The following GLT8D2 variants were observed in gnomAD, a reference collection of about 807,000 sequenced individuals.
GLT8D2 encodes glycosyltransferase 8 domain-containing protein 2.
GLT8D2 carries 45 observed loss-of-function variants against 44.5 expected under a neutral mutation model. The observed-to-expected ratio is 1.01, with a 90% CI of 0.80 to 1.30. GLT8D2 has a LOEUF of 1.30. Ranked by LOEUF, GLT8D2 falls within the 50% of genes most tolerant of loss-of-function variation. The pLI is 0.00. For missense variants in GLT8D2, 400 were observed against 430.4 expected (o/e 0.93, Z 0.62); for synonymous variants, 156 against 157.2 (o/e 0.99, Z 0.06).
chr12:104,010,182 G>A (rs1875643595), intron 4 of GLT8D2, among the ~76,000 whole-genome samples: 1 of 152,136 alleles, frequency 6.6e-6, no homozygotes, highest in African/African-American at 2.4e-5. Flanking sequence ...TTCCTAAAAG[G>A]TAAAGCCACA....
In GLT8D2 at chr12:103,997,344, C is replaced by T. The variant is rs973499686; in HGVS notation, c.487+107G>A. 3.8e-5 allele frequency: 31 copies of T among 809,764 alleles called. 1 individual carries two copies. Among genetic ancestry groups the T allele is most frequent in the Middle Eastern group, 2.3e-4 (1 of 4,326 alleles). The allele number at this position is 809,764 out of a possible 1,614,324, so 50.2% of individuals were successfully genotyped here. A position where few individuals can be genotyped will look rare whatever the true frequency, so the allele number is the denominator to read the frequency against. ...ATACTGTACTCACAACTTAAATAAG[C>T]AGTCAAAACTTGCTGCACAATTAGT... On this transcript the variant is annotated intron_variant, in intron 7 of 10. Transcript: ENST00000360814.
intron 1 of GLT8D2, among the ~76,000 whole-genome samples, chr12:104,040,726 A>C (rs540239310): frequency 1.1e-3 from 165 of 152,226 alleles, no homozygotes; most frequent in Middle Eastern, 6.8e-3. Context: ...GCCCAGCCTA[A>C]CAAATTGAAA....
chr12:103,996,929 T>G, intron 7 of GLT8D2, 82 bp from the exon 8 acceptor site: 1 of 858,834 alleles, frequency 1.2e-6, no homozygotes, highest in Non-Finnish European at 1.8e-6. Context: ...AAACAGCTCT[T>G]GATTTTGCTA....
At chr12:104,015,466 T>C (rs1045616114) in intron 3 of GLT8D2, among the ~76,000 whole-genome samples, 3 of 150,274 alleles carry the variant, frequency 2.0e-5, no homozygotes. Flanking sequence ...CATGCACCTG[T>C]AGTCTCAGCT....
intron 1 of GLT8D2, among the ~76,000 whole-genome samples, chr12:104,056,440 C>G (rs1882189860): frequency 6.6e-6 from 1 of 152,212 alleles, no homozygotes; most frequent in Non-Finnish European, 1.5e-5. Context: ...CCACCTCCAG[C>G]ACCAGATTCT....
At chr12:103,990,306 A>G (rs1872599223) in intron 10 of GLT8D2, among the ~76,000 whole-genome samples, 3 of 151,934 alleles carry the variant, frequency 2.0e-5, no homozygotes, top group African/African-American at 7.3e-5. Context: ...AAAAATGGCA[A>G]CATTTGCTTT....
intron 1 of GLT8D2, among the ~76,000 whole-genome samples, chr12:104,043,264 A>G (rs145378041): frequency 5.5e-4 from 83 of 152,150 alleles, no homozygotes; most frequent in Non-Finnish European, 9.4e-4. Flanking sequence ...ATCCTGACTC[A>G]TGGCTTTAAA....
intron 10 of GLT8D2, among the ~76,000 whole-genome samples, chr12:103,993,087 T>C (rs904678075): frequency 2.0e-5 from 3 of 152,116 alleles, no homozygotes; most frequent in East Asian, 1.9e-4. Context: ...TCCTAGCACT[T>C]TGGGAGGCCG....
chr12:104,040,362 G>A (rs947960692), intron 1 of GLT8D2, among the ~76,000 whole-genome samples: 1 of 152,010 alleles, frequency 6.6e-6, no homozygotes, highest in Non-Finnish European at 1.5e-5. Flanking sequence ...TTCACTCACT[G>A]TTATTCAAAT....
upstream of GLT8D2, among the ~76,000 whole-genome samples, chr12:104,053,143 T>C (rs1411720641): frequency 6.6e-6 from 1 of 152,192 alleles, no homozygotes; most frequent in Non-Finnish European, 1.5e-5. Context: ...AGGCATCATG[T>C]GGACAGCAGC....
At chr12:104,019,514 A>T in intron 3 of GLT8D2, 116 bp downstream of exon 3, 1 of 804,686 alleles carries the variant, frequency 1.2e-6, no homozygotes, top group South Asian at 1.7e-5. Context: ...CTGTGGGAAA[A>T]CTATCCATGA....
intron 1 of GLT8D2, among the ~76,000 whole-genome samples, chr12:104,046,715 C>A (rs1044565429): frequency 6.6e-6 from 1 of 152,176 alleles, no homozygotes; most frequent in Non-Finnish European, 1.5e-5. Flanking sequence ...AGAGAAAGGA[C>A]AAGATCAGGA....
At chr12:103,992,740 C>T (rs1035450733) in intron 10 of GLT8D2, among the ~76,000 whole-genome samples, 2 of 152,110 alleles carry the variant, frequency 1.3e-5, no homozygotes, top group Non-Finnish European at 2.9e-5. Flanking sequence ...TATCCACCCT[C>T]CTCAGCCTCC....
At chr12:104,022,214 G>T (rs867139537) in intron 1 of GLT8D2, among the ~76,000 whole-genome samples, 2 of 152,108 alleles carry the variant, frequency 1.3e-5, no homozygotes, top group Non-Finnish European at 2.9e-5. Context: ...GTCACTGTGG[G>T]ATGAGAAAGT....
chr12:104,028,298 G>A (rs1024084456), intron 1 of GLT8D2, among the ~76,000 whole-genome samples: 3 of 150,224 alleles, frequency 2.0e-5, no homozygotes, highest in Admixed American at 6.6e-5. Context: ...GTGCATGTGC[G>A]TGTGTGTGTG....
chr12:104,031,252 T>A (rs1593558900), intron 1 of GLT8D2: 7 of 1,607,930 alleles, frequency 4.4e-6, no homozygotes, highest in Middle Eastern at 1.7e-4. Context: ...GTCTGAAGGA[T>A]ACTATTGCCA....
rs1566202355 is a variant in GLT8D2 at position 104,021,927 on chromosome 12, GAAGAA to G, written c.-163-441_-163-437del. On this transcript the variant is annotated intron_variant, in intron 1 of 10. Coordinates refer to ENST00000360814, the MANE Select transcript of GLT8D2 (RefSeq NM_001384711.1). ...AGAAGAAGAAGAAGAAGAAGAAGAA[GAAGAA>G]GAAGAAGAAGAAGAAGAAGAAGAGG... 6.4e-3 allele frequency among the ~76,000 whole-genome samples: 166 copies of G among 26,070 alleles called. 12 individuals carry two copies. In the East Asian group the frequency reaches 0.073, roughly 12 times the overall value. The allele number at this position is 26,070 out of a possible 152,430, so 17.1% of individuals were successfully genotyped here.
At chr12:104,058,576 T>C (rs1882377623) in intron 1 of GLT8D2, among the ~76,000 whole-genome samples, 1 of 152,218 alleles carries the variant, frequency 6.6e-6, no homozygotes, top group Admixed American at 6.5e-5. Context: ...ATTCCCATTT[T>C]ATAGACAAAG....
rs1317541626 is a variant in GLT8D2, at chr12:104,032,358, T to A, written c.-163-10867A>T. Among the ~76,000 whole-genome samples, 3 of 148,638 alleles carry A rather than the reference T, an allele frequency of 2.0e-5. No homozygotes were observed. The East Asian group carries it at 5.9e-4, about 29-fold the overall frequency. On this transcript the variant is annotated intron_variant, in intron 1 of 10. Coordinates refer to ENST00000360814, the MANE Select transcript of GLT8D2 (RefSeq NM_001384711.1). Reference sequence around the variant, plus strand: ...AGTGTATCTTTCACTGATTTCTGAATCATGTTCTAGTTGCTTGACCCTGCC... The same window carrying A: ...AGTGTATCTTTCACTGATTTCTGAAACATGTTCTAGTTGCTTGACCCTGCC...
Sources: gnomAD v4.1 joint callset for allele counts (sites outside exome capture counted in the v4.1 genomes callset) on GRCh38, gnomAD v4.1.1 for gene constraint, MANE v1.5 for transcripts, NCBI Gene and HGNC (gene_info 2026-07-23, HGNC 2026-07-21) for gene names.